The following ANKRD18A variants were observed in gnomAD, a reference collection of about 807,000 sequenced individuals.
ANKRD18A encodes ankyrin repeat domain 18A.
A neutral mutation model predicts 110.6 loss-of-function variants in ANKRD18A; 72 were observed. The observed-to-expected ratio is 0.65, with a 90% CI of 0.54 to 0.79. ANKRD18A has a LOEUF of 0.79. ANKRD18A is among the 30% of genes least tolerant of loss of function. ANKRD18A has a pLI of 0.00. For missense variants in ANKRD18A, 934 were observed against 1,163.3 expected (o/e 0.80, Z 2.87); for synonymous variants, 305 against 410.3 (o/e 0.74, Z 3.10).
chr9:38,587,100 A>G (rs549452867), intron 11 of ANKRD18A, among the ~76,000 whole-genome samples: 1 of 152,340 alleles, frequency 6.6e-6, no homozygotes, highest in East Asian at 1.9e-4. Context: ...TCAATGTAGA[A>G]AAAGAGAAGA....
intron 1 of ANKRD18A, among the ~76,000 whole-genome samples, chr9:38,617,355 AC>A (rs1825900649): frequency 6.6e-6 from 1 of 152,044 alleles, no homozygotes; most frequent in African/African-American, 2.4e-5. Context: ...CAGGATAATC[AC>A]TTGAACCTTG....
chr9:38,597,445 A>G (rs2118793653), intron 8 of ANKRD18A, among the ~76,000 whole-genome samples: 1 of 152,186 alleles, frequency 6.6e-6, no homozygotes, highest in South Asian at 2.1e-4. Flanking sequence ...TTCAATCACC[A>G]CAGAAGTTTG....
intron 8 of ANKRD18A, among the ~76,000 whole-genome samples, chr9:38,596,862 A>G (rs1447577410): frequency 6.6e-6 from 1 of 152,196 alleles, no homozygotes; most frequent in Non-Finnish European, 1.5e-5. Flanking sequence ...TGTTTCCCTG[A>G]TCATATTCTA....
At chr9:38,601,027 A>G in intron 8 of ANKRD18A, 104 bp downstream of exon 8, 1 of 1,012,942 alleles carries the variant, frequency 9.9e-7, no homozygotes, top group African/African-American at 1.6e-5. Context: ...GTTGGATTCT[A>G]AAAGGATAGT....
At chr9:38,581,223 A>G (rs1349787350) in intron 12 of ANKRD18A, among the ~76,000 whole-genome samples, 1 of 152,252 alleles carries the variant, frequency 6.6e-6, no homozygotes, top group East Asian at 1.9e-4. Flanking sequence ...TTAAAGTAGG[A>G]TCTAATAAAT....
intron 10 of ANKRD18A, among the ~76,000 whole-genome samples, chr9:38,593,247 T>C (rs1824733658): frequency 1.3e-5 from 2 of 152,208 alleles, no homozygotes; most frequent in African/African-American, 4.8e-5. Flanking sequence ...AGGCAATGCC[T>C]AACTTTTCAA....
chr9:38,574,322 T>C (rs1823786045), intron 15 of ANKRD18A, among the ~76,000 whole-genome samples: 1 of 152,250 alleles, frequency 6.6e-6, no homozygotes, highest in Non-Finnish European at 1.5e-5. Context: ...TGCACCTGGA[T>C]TGACTCCATG....
intron 1 of ANKRD18A, among the ~76,000 whole-genome samples, chr9:38,619,012 G>T (rs1263288712): frequency 6.7e-6 from 1 of 150,306 alleles, no homozygotes; most frequent in Non-Finnish European, 1.5e-5. Flanking sequence ...TTATATATTA[G>T]TAAAAATATA....
At chr9:38,570,576 G>A (rs977446142), downstream of ANKRD18A, among the ~76,000 whole-genome samples, 12 of 152,218 alleles carry the variant, frequency 7.9e-5, no homozygotes, top group African/African-American at 2.9e-4. Context: ...CACTAACCAG[G>A]TCCCTGCTGA....
chr9:38,610,251 G>A (rs1825549554), intron 5 of ANKRD18A, 22 bp downstream of exon 5: 1 of 1,501,194 alleles, frequency 6.7e-7, no homozygotes, highest in Non-Finnish European at 8.9e-7. Flanking sequence ...GTATTAACCG[G>A]TCTTTTAATA....
At chr9:38,607,915 A>T (rs1212079584) in intron 5 of ANKRD18A, among the ~76,000 whole-genome samples, 1 of 152,264 alleles carries the variant, frequency 6.6e-6, no homozygotes, top group Non-Finnish European at 1.5e-5. Context: ...TTAAATGTTC[A>T]GAGAAATAGT....
intron 6 of ANKRD18A, among the ~76,000 whole-genome samples, chr9:38,606,359 G>A (rs1018191499): frequency 6.6e-6 from 1 of 152,198 alleles, no homozygotes; most frequent in Non-Finnish European, 1.5e-5. Flanking sequence ...GCAACCCAGA[G>A]ACAGCAAAAC....
chr9:38,616,101 T>A, intron 1 of ANKRD18A, 57 bp from the exon 2 acceptor site: 1 of 1,373,424 alleles, frequency 7.3e-7, no homozygotes, highest in Non-Finnish European at 9.8e-7. Flanking sequence ...AAACCTACAA[T>A]GGTCCATGTC....
chr9:38,620,486 C>G lies in ANKRD18A; in HGVS notation c.-201G>C. 7.0e-7 allele frequency: 1 copy of G among 1,430,268 alleles called. No homozygotes were observed. The highest frequency in any genetic ancestry group is 9.1e-7 in the Non-Finnish European group (1 of 1,093,994). The allele number at this position is 1,430,268 out of a possible 1,614,324, so 88.6% of individuals were successfully genotyped here. The stretch of plus-strand genomic sequence containing the variant: ...GAATCCGCGATCCAGCCCGGTCCAC[C>G]ACAGCCTTCAGCAGCGACACTCGCA... On this transcript the variant is annotated 5_prime_UTR_variant, in exon 1 of 16. Transcript: ENST00000399703.
chr9:38,609,397 C>T (rs535369752), intron 5 of ANKRD18A, among the ~76,000 whole-genome samples: 2 of 152,092 alleles, frequency 1.3e-5, no homozygotes, highest in South Asian at 2.1e-4. Flanking sequence ...AGGAGAATAG[C>T]GTGAACCCAG....
At chr9:38,619,935 C>A (rs1826013146) in intron 1 of ANKRD18A, 145 bp downstream of exon 1, 2 of 1,055,282 alleles carry the variant, frequency 1.9e-6, no homozygotes, top group South Asian at 3.3e-5. Flanking sequence ...GAATTGCCAG[C>A]GACGGAAAGC....
chr9:38,608,612 T>G (rs1472230671), intron 5 of ANKRD18A, among the ~76,000 whole-genome samples: 1 of 146,066 alleles, frequency 6.8e-6, no homozygotes, highest in Non-Finnish European at 1.5e-5. Flanking sequence ...GCTATATATA[T>G]TTATAATAAT....
chr9:38,615,951 T>C lies in ANKRD18A; in HGVS notation c.300A>G (p.Leu100=). The C allele has an allele frequency of 6.3e-7, 1 of 1,575,106 alleles. No individual in the cohort carries two copies. The highest frequency in any genetic ancestry group is 8.6e-7 in the Non-Finnish European group (1 of 1,159,144). ...RRCQIDICDR[L]NRTPLMKAVH... is the part of the protein sequence containing the mutation. ...ATACCTTCATTAAAGGTGTCCTGTT[T>C]AGTCTGTCACAGATGTCGATCTGGC... Residue 100 remains leucine, a synonymous_variant, in exon 2 of 16, where the codon CTA becomes CTG. Coordinates refer to ENST00000399703, the MANE Select transcript of ANKRD18A (RefSeq NM_147195.4).
chr9:38,600,276 C>G (rs1271947941), intron 8 of ANKRD18A, among the ~76,000 whole-genome samples: 1 of 152,028 alleles, frequency 6.6e-6, no homozygotes, highest in Non-Finnish European at 1.5e-5. Flanking sequence ...AGATTTTTAC[C>G]TCAGCATACC....
Sources: gnomAD v4.1 joint callset for allele counts (sites outside exome capture counted in the v4.1 genomes callset) on GRCh38, gnomAD v4.1.1 for gene constraint, MANE v1.5 for transcripts, NCBI Gene and HGNC (gene_info 2026-07-23, HGNC 2026-07-21) for gene names.